The following NAV3 variants were observed in gnomAD, a reference collection of about 807,000 sequenced individuals.
NAV3 encodes neuron navigator 3.
Under a neutral mutation model 244.7 loss-of-function variants are expected in NAV3, and 87 were observed. That is an observed-to-expected ratio of 0.36 (90% CI 0.30 to 0.42). The LOEUF (loss-of-function observed/expected upper bound fraction) is 0.42. NAV3 is among the 20% of genes least tolerant of loss of function. NAV3 has a pLI of 1.00. For missense variants in NAV3, 2,663 were observed against 2,893.3 expected (o/e 0.92, Z 1.83); for synonymous variants, 1,126 against 1,042.2 (o/e 1.08, Z -1.55).
At chr12:78,098,958 T>TTG (rs1954398873) in intron 12 of NAV3, among the ~76,000 whole-genome samples, 1 of 150,950 alleles carries the variant, frequency 6.6e-6, no homozygotes, top group Non-Finnish European at 1.5e-5. Flanking sequence ...ATCCAGGGTT[T>TTG]TTTTTTTTTT....
At chr12:77,667,786 G>A (rs1284358975) in intron 2 of NAV3, among the ~76,000 whole-genome samples, 11 of 152,100 alleles carry the variant, frequency 7.2e-5, no homozygotes, top group Admixed American at 7.2e-4. Flanking sequence ...CATCCTCCCT[G>A]TACAACCACA....
intron 2 of NAV3, chr12:77,783,290 TACATGGAGACCATG>T (rs1870755222): frequency 6.6e-6 from 1 of 151,920 alleles, no homozygotes; most frequent in African/African-American, 2.4e-5. Context: ...CCAGATGGAG[TACATGGAGACCATG>T]ACTGTGAAAG....
intron 9 of NAV3, among the ~76,000 whole-genome samples, chr12:78,034,594 A>G (rs1329323860): frequency 6.6e-6 from 1 of 152,204 alleles, no homozygotes; most frequent in East Asian, 1.9e-4. Flanking sequence ...AGGTCAACTC[A>G]TTTGATATAT....
chr12:78,084,516 C>G (rs1021780711), intron 12 of NAV3, among the ~76,000 whole-genome samples: 4 of 152,068 alleles, frequency 2.6e-5, no homozygotes, highest in African/African-American at 9.7e-5. Flanking sequence ...TTCTCTTTCA[C>G]TATAAACAAA....
At chr12:78,044,069 T>C (rs1881339238) in intron 9 of NAV3, among the ~76,000 whole-genome samples, 1 of 152,104 alleles carries the variant, frequency 6.6e-6, no homozygotes, top group African/African-American at 2.4e-5. Context: ...TTTAGGTCTT[T>C]GGTTTAAGTC....
chr12:77,613,838 C>T (rs972111606), intron 2 of NAV3, among the ~76,000 whole-genome samples: 3 of 152,120 alleles, frequency 2.0e-5, no homozygotes, highest in Non-Finnish European at 2.9e-5. Context: ...CTCTGAAACA[C>T]CATTTATTTA....
intron 2 of NAV3, among the ~76,000 whole-genome samples, chr12:77,819,886 G>C (rs565746988): frequency 6.6e-6 from 1 of 152,120 alleles, no homozygotes; most frequent in African/African-American, 2.4e-5. Context: ...AATAAGCAGG[G>C]TATATGCAAG....
At chr12:77,976,561 G>C (rs764821869) in intron 5 of NAV3, among the ~76,000 whole-genome samples, 9 of 151,504 alleles carry the variant, frequency 5.9e-5, no homozygotes, top group Non-Finnish European at 1.3e-4. Context: ...CTTATATGGA[G>C]CCCTTTCTGA....
intron 3 of NAV3, among the ~76,000 whole-genome samples, chr12:77,957,077 T>C (rs982812133): frequency 6.6e-6 from 1 of 152,200 alleles, no homozygotes; most frequent in African/African-American, 2.4e-5. Flanking sequence ...GACACTTTTA[T>C]GAAGCTTTCT....
intron 2 of NAV3, among the ~76,000 whole-genome samples, chr12:77,803,812 T>A (rs976497066): frequency 8.5e-5 from 13 of 152,230 alleles, no homozygotes; most frequent in Non-Finnish European, 1.0e-4. Context: ...TTTTTCATGA[T>A]CGCCATTCTA....
At chr12:78,133,873 A>G (rs1342284470) in intron 18 of NAV3, among the ~76,000 whole-genome samples, 1 of 152,178 alleles carries the variant, frequency 6.6e-6, no homozygotes, top group East Asian at 1.9e-4. Flanking sequence ...AAGGCCTCTA[A>G]GATCCATTCA....
chr12:78,130,781 C>T (rs1162033702), intron 18 of NAV3: 2 of 155,756 alleles, frequency 1.3e-5, no homozygotes, highest in East Asian at 1.8e-4. Context: ...CAGACACAAT[C>T]ACAACTCCAT....
Position 77,946,237 on chromosome 12 carries a change from GTA to G in NAV3, c.414+5106_414+5107del, listed in dbSNP as rs762847677. Among the ~76,000 whole-genome samples the G allele has an allele frequency of 5.5e-3, 625 of 114,528 alleles. 3 individuals are homozygous for G. The highest frequency in any genetic ancestry group is 0.017 in the South Asian group (48 of 2,862). 75.1% of individuals were successfully genotyped at this position (114,528 alleles called of 152,430 possible). A position where few individuals can be genotyped will look rare whatever the true frequency, so the allele number is the denominator to read the frequency against. On this transcript the variant is annotated intron_variant, in intron 3 of 39. Coordinates refer to ENST00000397909, the MANE Select transcript of NAV3 (RefSeq NM_001024383.2). ...CACATATATGTGTAAATATATGTGC[GTA>G]TGTGTGTGTGTGTGTGTGTGCGCGT...
At chr12:77,934,371 C>A (rs1889119840) in intron 1 of NAV3, among the ~76,000 whole-genome samples, 1 of 152,190 alleles carries the variant, frequency 6.6e-6, no homozygotes, top group African/African-American at 2.4e-5. Context: ...TCACTTCTTT[C>A]TTCCAGAAAA....
intron 2 of NAV3, among the ~76,000 whole-genome samples, chr12:77,614,074 C>CTTTTTTTTTTTTT (rs71440485): frequency 1.0e-5 from 1 of 95,650 alleles, no homozygotes; most frequent in African/African-American, 4.1e-5. Context: ...TTCTTTCTCT[C>CTTTTTTTTTTTTT]TTTTTTTTTT....
At chr12:77,632,531 A>G (rs1274398697) in intron 2 of NAV3, among the ~76,000 whole-genome samples, 5 of 152,182 alleles carry the variant, frequency 3.3e-5, no homozygotes, top group Non-Finnish European at 7.4e-5. Context: ...CATCAGGGCA[A>G]AGACCCACCC....
At chr12:77,712,978 A>G (rs1592608531) in intron 2 of NAV3, among the ~76,000 whole-genome samples, 1 of 152,180 alleles carries the variant, frequency 6.6e-6, no homozygotes, top group Admixed American at 6.5e-5. Flanking sequence ...TGCAGCACTC[A>G]CAGCCACTGT....
rs563284825 is a variant in NAV3 at position 78,207,334 on chromosome 12, G to A, written c.7038+2196G>A. Among the ~76,000 whole-genome samples, 21 of 152,222 alleles carry A rather than the reference G, an allele frequency of 1.4e-4. No individual in the cohort carries two copies. In the South Asian group the frequency reaches 4.4e-3, roughly 32 times the overall value. The stretch of plus-strand genomic sequence containing the variant: ...TCTCACATTATTTTAAAAATACAAT[G>A]TGTATTCACCATTAACAACAAAGAG... On this transcript the variant is annotated intron_variant, in intron 39 of 39. Transcript: ENST00000397909.
upstream of NAV3, among the ~76,000 whole-genome samples, chr12:77,829,294 A>C (rs1407917423): frequency 6.6e-6 from 1 of 152,112 alleles, no homozygotes; most frequent in Non-Finnish European, 1.5e-5. Flanking sequence ...ATACCCAATT[A>C]TTTTTTTATG....
Sources: gnomAD v4.1 joint callset for allele counts (sites outside exome capture counted in the v4.1 genomes callset) on GRCh38, gnomAD v4.1.1 for gene constraint, MANE v1.5 for transcripts, NCBI Gene and HGNC (gene_info 2026-07-23, HGNC 2026-07-21) for gene names.